The following ZFHX4 variants were observed in gnomAD, a reference collection of about 807,000 sequenced individuals.
ZFHX4 encodes the protein zinc finger homeobox 4, also known as zinc finger homeobox protein 4.
In ZFHX4, 56 loss-of-function variants were observed where a neutral mutation model predicts 267.6. That is an observed-to-expected ratio of 0.21 (90% CI 0.17 to 0.26). The LOEUF (loss-of-function observed/expected upper bound fraction) is 0.26, where lower values mean the gene tolerates loss of function less well. Ranked by LOEUF, ZFHX4 falls within the 10% of genes least tolerant of loss-of-function variation. The probability of loss-of-function intolerance (pLI) is 1.00; values close to 1 mark genes in which losing one functional copy is unlikely to be tolerated. For synonymous variants in ZFHX4, 1,778 were observed against 1,665.6 expected, an observed-to-expected ratio of 1.07 and a Z score of -1.64; for missense variants, 4,332 against 4,420.0, an observed-to-expected ratio of 0.98 and a Z score of 0.56.
chr8:76,858,358 G>A (rs1812784692), intron 10 of ZFHX4, among the ~76,000 whole-genome samples: 1 of 152,174 alleles, frequency 6.6e-6, no homozygotes, highest in South Asian at 2.1e-4. Flanking sequence ...ACGGATAGGA[G>A]TATCTTTAAA....
intron 3 of ZFHX4, among the ~76,000 whole-genome samples, chr8:76,735,665 A>G (rs1447376690): frequency 2.0e-5 from 3 of 152,116 alleles, no homozygotes; most frequent in Non-Finnish European, 4.4e-5. Flanking sequence ...TGTTGGCATG[A>G]TTCTGCATAA....
intron 3 of ZFHX4, among the ~76,000 whole-genome samples, chr8:76,719,598 T>A (rs1481361796): frequency 6.6e-6 from 1 of 152,124 alleles, no homozygotes; most frequent in African/African-American, 2.4e-5. Flanking sequence ...TAAGTATTTT[T>A]AAAAAATATT....
intron 3 of ZFHX4, among the ~76,000 whole-genome samples, chr8:76,749,395 A>G (rs1341390892): frequency 6.6e-6 from 1 of 152,220 alleles, no homozygotes; most frequent in Non-Finnish European, 1.5e-5. Context: ...CTTGTCCCAG[A>G]TCAAGAATTC....
chr8:76,821,449 C>A (rs149032755), intron 4 of ZFHX4, among the ~76,000 whole-genome samples: 55 of 152,202 alleles, frequency 3.6e-4, no homozygotes, highest in African/African-American at 1.2e-3. Context: ...CTTTGGCAAA[C>A]CTAATGACCA....
chr8:76,812,264 C>T (rs1004762161), intron 4 of ZFHX4, among the ~76,000 whole-genome samples: 1 of 152,118 alleles, frequency 6.6e-6, no homozygotes, highest in Non-Finnish European at 1.5e-5. Context: ...AATGCTTTTG[C>T]TTATCTCATT....
At chr8:76,724,003 A>G (rs1245465455) in intron 3 of ZFHX4, among the ~76,000 whole-genome samples, 3 of 152,066 alleles carry the variant, frequency 2.0e-5, no homozygotes, top group Non-Finnish European at 4.4e-5. Context: ...TACCACTGAG[A>G]TTTTTATCAG....
rs376940610 is a variant in ZFHX4 at position 76,854,544 on chromosome 8, C to T, written c.7623C>T (p.Asp2541=). ...RPMDMPYMIF[D]PNNPLMTGQL... ...TGGACATGCCCTACATGATATTTGA[C>T]CCCAACAATCCGCTGATGACTGGAC... Residue 2541 remains aspartate, a synonymous_variant, in exon 10 of 11, where the codon GAC becomes GAT. Transcript: ENST00000651372. 66 of 1,613,678 alleles carry T rather than the reference C, an allele frequency of 4.1e-5. No individual in the cohort carries two copies. Among genetic ancestry groups the T allele is most frequent in the Non-Finnish European group, 1.2e-5 (14 of 1,179,856 alleles).
intron 5 of ZFHX4, among the ~76,000 whole-genome samples, chr8:76,841,062 C>T (rs967314596): frequency 1.3e-5 from 2 of 152,286 alleles, no homozygotes; most frequent in Admixed American, 6.5e-5. Flanking sequence ...GATGATTGAC[C>T]CCCTAAACAA....
intron 3 of ZFHX4, among the ~76,000 whole-genome samples, chr8:76,719,998 C>T (rs1406883122): frequency 4.6e-5 from 7 of 152,072 alleles, no homozygotes; most frequent in Non-Finnish European, 7.4e-5. Context: ...TTATTTGCAA[C>T]AATTCTATTG....
rs1231847240 is a variant in ZFHX4, at chr8:76,773,423, GTTAAGT to G, written c.3094-4779_3094-4774del. On this transcript the variant is annotated intron_variant, in intron 3 of 10. Coordinates refer to ENST00000651372, the MANE Select transcript of ZFHX4 (RefSeq NM_024721.5). ...ATCTTCATTACCAAGTTTGTTCAGTGTTAAGTTTAAGATTCAGATATCATGTATATA... is the reference window on the plus strand; with the variant it reads ...ATCTTCATTACCAAGTTTGTTCAGTGTTAAGATTCAGATATCATGTATATA... Among the ~76,000 whole-genome samples, 5 of 152,216 alleles carry G rather than the reference GTTAAGT, an allele frequency of 3.3e-5. No individual in the cohort carries two copies. The South Asian group carries it at 6.2e-4, about 19-fold the overall frequency.
At chr8:76,805,708 G>A (rs981577014) in intron 4 of ZFHX4, among the ~76,000 whole-genome samples, 2 of 151,746 alleles carry the variant, frequency 1.3e-5, no homozygotes, top group African/African-American at 4.8e-5. Context: ...GGGAATTCCA[G>A]AATGAAATGA....
At chr8:76,778,498 C>G in intron 4 of ZFHX4, 59 bp downstream of exon 4, 1 of 1,315,090 alleles carries the variant, frequency 7.6e-7, no homozygotes, top group Non-Finnish European at 1.1e-6. Context: ...TCATCACACA[C>G]ACACACACAC....
intron 1 of ZFHX4, among the ~76,000 whole-genome samples, chr8:76,699,547 C>T (rs913919288): frequency 3.3e-5 from 5 of 152,022 alleles, no homozygotes; most frequent in Non-Finnish European, 1.5e-5. Context: ...TATTTACCTG[C>T]GTTATGATAT....
intron 3 of ZFHX4, among the ~76,000 whole-genome samples, chr8:76,722,778 C>T (rs1478343880): frequency 6.6e-6 from 1 of 151,946 alleles, no homozygotes; most frequent in Non-Finnish European, 1.5e-5. Context: ...CATGTCTTGT[C>T]AGTACATCCA....
At chr8:76,841,578 T>C (rs766317928) in intron 5 of ZFHX4, among the ~76,000 whole-genome samples, 8 of 152,214 alleles carry the variant, frequency 5.3e-5, no homozygotes, top group African/African-American at 1.9e-4. Flanking sequence ...TAGAAGAGTG[T>C]ATGCAAATGT....
rs376536176 is a variant in ZFHX4 at position 76,704,141 on chromosome 8, C to T, written c.53C>T (p.Thr18Ile). Residue 18 changes from threonine to isoleucine, a missense_variant, in exon 2 of 11, where the codon ACA (threonine) becomes ATA (isoleucine). Physicochemically the swap from Thr to Ile is moderately conservative, Grantham distance 89 (BLOSUM62 -1). Coordinates refer to ENST00000651372, the MANE Select transcript of ZFHX4 (RefSeq NM_024721.5). ...PISRQENGQSTSKLCGTTQLD... is the reference protein window; with the variant it reads ...PISRQENGQSISKLCGTTQLD... The stretch of plus-strand genomic sequence containing the variant: ...TCAAGGCAGGAAAATGGGCAGAGCA[C>T]ATCAAAGCTATGTGGAACGACACAA... 38 of 1,613,766 alleles carry T rather than the reference C, an allele frequency of 2.4e-5. No homozygotes were observed. The African/African-American group carries it at 4.9e-4, about 21-fold the overall frequency.
chr8:76,711,016 A>T (rs568353862), intron 3 of ZFHX4, among the ~76,000 whole-genome samples: 1 of 152,248 alleles, frequency 6.6e-6, no homozygotes, highest in African/African-American at 2.4e-5. Flanking sequence ...AACCAGAACA[A>T]CACCTTTCCT....
intron 6 of ZFHX4, among the ~76,000 whole-genome samples, chr8:76,844,315 T>A (rs1812311509): frequency 6.6e-6 from 1 of 152,120 alleles, no homozygotes; most frequent in Non-Finnish European, 1.5e-5. Flanking sequence ...GTGGAATATA[T>A]CCTTCCCATT....
chr8:76,684,400 C>T (rs557024134), intron 1 of ZFHX4, among the ~76,000 whole-genome samples: 2 of 152,310 alleles, frequency 1.3e-5, no homozygotes, highest in South Asian at 4.1e-4. Flanking sequence ...AAGGTTTATA[C>T]AGTTCTTTTT....
Sources: gnomAD v4.1 joint callset for allele counts (sites outside exome capture counted in the v4.1 genomes callset) on GRCh38, gnomAD v4.1.1 for gene constraint, MANE v1.5 for transcripts, NCBI Gene and HGNC (gene_info 2026-07-23, HGNC 2026-07-21) for gene names.